RTN3: variants seen among roughly 807,000 people sequenced by gnomAD.
RTN3 encodes the protein reticulon-3.
Under a neutral mutation model 77.8 loss-of-function variants are expected in RTN3, and 49 were observed. That is an observed-to-expected ratio of 0.63 (90% confidence interval 0.50 to 0.80). The LOEUF (loss-of-function observed/expected upper bound fraction) is 0.80, where lower values mean the gene tolerates loss of function less well. Ranked by LOEUF, RTN3 falls within the 30% of genes least tolerant of loss-of-function variation. RTN3 has a pLI of 0.00. For synonymous variants in RTN3, 464 were observed against 446.9 expected (o/e 1.04, Z -0.48); for missense variants, 1,236 against 1,211.9 (o/e 1.02, Z -0.29).
intron 2 of RTN3, among the ~76,000 whole-genome samples, chr11:63,711,421 A>AAC: frequency 6.8e-6 from 1 of 145,998 alleles, no homozygotes; most frequent in Admixed American, 6.9e-5. Context: ...ACAGGGTCTC[A>AAC]CTCTGTTGCC....
chr11:63,747,249 C>T (rs956843394), intron 3 of RTN3, among the ~76,000 whole-genome samples: 1 of 152,184 alleles, frequency 6.6e-6, no homozygotes, highest in Non-Finnish European at 1.5e-5. Context: ...CTGATGACGT[C>T]GGCCCTCTAA....
intron 5 of RTN3, 124 bp from the exon 6 acceptor site, chr11:63,752,945 A>G: frequency 1.0e-6 from 1 of 962,842 alleles, no homozygotes. Flanking sequence ...CTTCATTTGG[A>G]AATTGTCCAT....
At chr11:63,746,767 A>G (rs1195514143) in intron 3 of RTN3, among the ~76,000 whole-genome samples, 5 of 151,562 alleles carry the variant, frequency 3.3e-5, no homozygotes, top group East Asian at 1.9e-4. Flanking sequence ...GCCTGCCTCA[A>G]CCTCCCAAAG....
intron 3 of RTN3, among the ~76,000 whole-genome samples, chr11:63,729,420 A>G (rs1352163940): frequency 2.7e-5 from 4 of 147,520 alleles, no homozygotes; most frequent in Non-Finnish European, 5.9e-5. Context: ...GGACTGTACT[A>G]TAGCAAAGGT....
intron 1 of RTN3, among the ~76,000 whole-genome samples, chr11:63,701,246 G>C (rs1942224040): frequency 6.6e-6 from 1 of 151,892 alleles, no homozygotes; most frequent in African/African-American, 2.4e-5. Context: ...CAAATGTACA[G>C]CTCTTTTCCA....
At chr11:63,739,093 T>G (rs1366451717) in intron 3 of RTN3, among the ~76,000 whole-genome samples, 2 of 151,816 alleles carry the variant, frequency 1.3e-5, no homozygotes, top group African/African-American at 4.8e-5. Context: ...ATTTGGAAAA[T>G]AAAAAGAAGG....
rs539586965 is a variant in RTN3, at chr11:63,683,947, T to C, written c.142+2169T>C. On this transcript the variant is annotated intron_variant, in intron 1 of 8. Coordinates refer to ENST00000377819, the MANE Select transcript of RTN3 (RefSeq NM_001265589.2). ...TCTTTCTCTTTTCTTTTCTTTCTTT[T>C]TTTTTTTTTTTTTTTTTTTTTTTTT... Among the ~76,000 whole-genome samples, 118 of 116,502 alleles carry C rather than the reference T, an allele frequency of 1.0e-3. No individual in the cohort carries two copies. The South Asian group carries it at 0.014, about 14-fold the overall frequency. 76.4% of individuals were successfully genotyped at this position (116,502 alleles called of 152,430 possible).
At chr11:63,735,377 A>G (rs1041254535) in intron 3 of RTN3, among the ~76,000 whole-genome samples, 1 of 152,222 alleles carries the variant, frequency 6.6e-6, no homozygotes, top group Admixed American at 6.5e-5. Context: ...CTAAAAAAGT[A>G]CTTAAGACCG....
At chr11:63,705,757 C>G (rs1942465198) in intron 2 of RTN3, among the ~76,000 whole-genome samples, 1 of 152,202 alleles carries the variant, frequency 6.6e-6, no homozygotes, top group Non-Finnish European at 1.5e-5. Context: ...AGCAAGGCTT[C>G]TTGTCCTAGA....
chr11:63,698,204 ACCT>A (rs1197726210), intron 1 of RTN3, among the ~76,000 whole-genome samples: 3 of 149,718 alleles, frequency 2.0e-5, no homozygotes, highest in African/African-American at 7.4e-5. Flanking sequence ...GCTCACTGCC[ACCT>A]CCGCTTCCTG....
chr11:63,711,183 G>A (rs1479123657), intron 2 of RTN3, among the ~76,000 whole-genome samples: 1 of 151,902 alleles, frequency 6.6e-6, no homozygotes, highest in Non-Finnish European at 1.5e-5. Flanking sequence ...AGGAGGCTGG[G>A]GCATGAGAAT....
intron 1 of RTN3, among the ~76,000 whole-genome samples, chr11:63,692,027 C>T (rs1006800405): frequency 1.3e-5 from 2 of 152,096 alleles, no homozygotes; most frequent in African/African-American, 4.8e-5. Context: ...TCTCACCTGG[C>T]TTCAACCATA....
At chr11:63,715,083 GCTTT>G (rs1426619929) in intron 2 of RTN3, among the ~76,000 whole-genome samples, 1 of 152,098 alleles carries the variant, frequency 6.6e-6, no homozygotes, top group Non-Finnish European at 1.5e-5. Context: ...CAATTTGGTT[GCTTT>G]CTTTTTTGTT....
chr11:63,753,578 G>A, intron 6 of RTN3, 84 bp from the exon 7 acceptor site: 1 of 1,268,244 alleles, frequency 7.9e-7, no homozygotes, highest in Non-Finnish European at 1.1e-6. Flanking sequence ...TATTTTTTGA[G>A]GAAAAATGTA....
chr11:63,744,934 A>G (rs1038831234), intron 3 of RTN3, among the ~76,000 whole-genome samples: 5 of 152,158 alleles, frequency 3.3e-5, no homozygotes, highest in East Asian at 1.9e-4. Flanking sequence ...AGAGGTTGCA[A>G]TGGGTCAAGA....
intron 3 of RTN3, among the ~76,000 whole-genome samples, chr11:63,731,384 T>A (rs2012681203): frequency 6.6e-6 from 1 of 152,030 alleles, no homozygotes; most frequent in African/African-American, 2.4e-5. Flanking sequence ...CTGGCCAAAT[T>A]TCAAAGGATT....
chr11:63,698,424 T>C (rs1387133776), intron 1 of RTN3, among the ~76,000 whole-genome samples: 2 of 152,218 alleles, frequency 1.3e-5, no homozygotes, highest in Non-Finnish European at 2.9e-5. Context: ...CTGCGTCTGA[T>C]TGTTTTTCAT....
In RTN3 at chr11:63,683,943, C is replaced by CTTTTTTT. The variant is rs35837590; in HGVS notation, c.142+2188_142+2194dup. 3.2e-4 allele frequency among the ~76,000 whole-genome samples: 19 copies of CTTTTTTT among 58,946 alleles called. 2 individuals carry two copies. Among genetic ancestry groups the CTTTTTTT allele is most frequent in the African/African-American group, 8.2e-4 (11 of 13,350 alleles). The allele number at this position is 58,946 out of a possible 152,430, so 38.7% of individuals were successfully genotyped here. ...TATTTCTTTCTCTTTTCTTTTCTTT[C>CTTTTTTT]TTTTTTTTTTTTTTTTTTTTTTTTT... is the stretch of plus-strand genomic sequence containing the variant. On this transcript the variant is annotated intron_variant, in intron 1 of 8. Transcript: ENST00000377819.
chr11:63,730,686 G>C (rs1045422718), intron 3 of RTN3, among the ~76,000 whole-genome samples: 1 of 152,092 alleles, frequency 6.6e-6, no homozygotes, highest in Non-Finnish European at 1.5e-5. Flanking sequence ...CTGGTTTGGT[G>C]GCATGCATCT....
Sources: gnomAD v4.1 joint callset for allele counts (sites outside exome capture counted in the v4.1 genomes callset) on GRCh38, gnomAD v4.1.1 for gene constraint, MANE v1.5 for transcripts, NCBI Gene and HGNC (gene_info 2026-07-23, HGNC 2026-07-21) for gene names.